Variants in KANK1 observed in about 807,000 individuals in gnomAD.
KANK1 encodes KN motif and ankyrin repeat domains 1, also known as KN motif and ankyrin repeat domain-containing protein 1.
In KANK1, 109 loss-of-function variants were observed where a neutral mutation model predicts 106.2. The ratio of observed to expected loss-of-function variants is 1.03; its 90% CI spans 0.88 to 1.20. The LOEUF (loss-of-function observed/expected upper bound fraction) is 1.20, where lower values mean the gene tolerates loss of function less well. KANK1 is among the 50% of genes most tolerant of loss of function. KANK1 has a pLI of 0.00. For synonymous variants in KANK1, 873 were observed against 652.2 expected, an observed-to-expected ratio of 1.34 and a Z score of -5.16; for missense variants, 2,399 against 1,710.7, an observed-to-expected ratio of 1.40 and a Z score of -7.10.
Position 734,817 on chromosome 9 carries a change from T to C in KANK1, c.3315T>C (p.Ala1105=). 1 of 1,613,234 alleles carries C rather than the reference T, an allele frequency of 6.2e-7. No homozygotes were observed. The highest frequency in any genetic ancestry group is 8.5e-7 in the Non-Finnish European group (1 of 1,179,144). Residue 1105 remains alanine, a synonymous_variant, in exon 7 of 12, where the codon GCT becomes GCC. Transcript: ENST00000382297. Reference sequence around the variant, plus strand: ...AAAATACTATAAATGACCCCAAAGCTTTGACCAGCAAAGATATGGTGAGTC... The same window carrying C: ...AAAATACTATAAATGACCCCAAAGCCTTGACCAGCAAAGATATGGTGAGTC... ...LLKNTINDPK[A]LTSKDMRFCL... is the part of the protein sequence containing the mutation.
intron 1 of KANK1, among the ~76,000 whole-genome samples, chr9:522,938 C>G (rs2059615777): frequency 6.6e-6 from 1 of 151,694 alleles, no homozygotes; most frequent in South Asian, 2.1e-4. Flanking sequence ...AATGCCTTCC[C>G]TGAGTTAATG....
At chr9:672,821 A>G (rs1815498920) in intron 1 of KANK1, among the ~76,000 whole-genome samples, 1 of 152,202 alleles carries the variant, frequency 6.6e-6, no homozygotes, top group African/African-American at 2.4e-5. Flanking sequence ...CAGTCTCCCG[A>G]AATAAATAGA....
At position 504,702 on chromosome 9, in the gene KANK1, G is replaced by C. The variant is rs531326520; in HGVS notation, c.-136G>C. The C allele has an allele frequency of 1.2e-4, 18 of 149,240 alleles. No homozygotes were observed. Among genetic ancestry groups the C allele is most frequent in the African/African-American group, 4.4e-4 (18 of 41,188 alleles). 9.2% of individuals were successfully genotyped at this position (149,240 alleles called of 1,614,324 possible). ...TGCGCCCCGCCCTTCCCCGAGCTCC[G>C]GGTCCGCGGCGGAGCGAGCGAGCGG... is the stretch of plus-strand genomic sequence containing the variant. On this transcript the variant is annotated 5_prime_UTR_variant, in exon 1 of 12. Coordinates refer to ENST00000382297, the MANE Select transcript of KANK1 (RefSeq NM_015158.5).
intron 1 of KANK1, among the ~76,000 whole-genome samples, chr9:506,527 GGTGTGTGTGTGT>G (rs36217612): frequency 4.0e-5 from 6 of 149,548 alleles, no homozygotes; most frequent in African/African-American, 7.3e-5. Flanking sequence ...GTGAGTTCTG[GGTGTGTGTGTGT>G]GTGTGTGTGC....
At chr9:577,426 G>A (rs1820873677) in intron 1 of KANK1, among the ~76,000 whole-genome samples, 1 of 152,112 alleles carries the variant, frequency 6.6e-6, no homozygotes, top group African/African-American at 2.4e-5. Flanking sequence ...GCTGATTGGT[G>A]CGTTTTTACA....
chr9:519,037 T>G (rs573344269), intron 1 of KANK1, among the ~76,000 whole-genome samples: 2 of 151,668 alleles, frequency 1.3e-5, no homozygotes, highest in East Asian at 1.9e-4. Context: ...ATTACAGGCA[T>G]GCACCACCAG....
At chr9:575,195 C>A (rs938168352) in intron 1 of KANK1, among the ~76,000 whole-genome samples, 8 of 152,182 alleles carry the variant, frequency 5.3e-5, no homozygotes, top group African/African-American at 1.9e-4. Flanking sequence ...TTGGTAATGT[C>A]CTTAAAACTG....
At position 744,524 on chromosome 9, in the gene KANK1, G is replaced by C. The variant is rs138870324; in HGVS notation, c.3931G>C (p.Ala1311Pro). ...GSTALSIALEAGHKDIAVLLY... is the reference protein window; with the variant it reads ...GSTALSIALEPGHKDIAVLLY... ...CACTGCGCTCTCAATCGCCCTGGAA[G>C]CAGGACACAAGGACATCGCTGTTCT... The change falls in exon 11 of 12, where the codon GCA becomes CCA. Residue 1311 changes from alanine (A) to proline (P), a missense_variant. Transcript: ENST00000382297. 1 of 1,614,156 alleles carries C rather than the reference G, an allele frequency of 6.2e-7. No homozygotes were observed. The highest frequency in any genetic ancestry group is 2.2e-5 in the East Asian group (1 of 44,884).
At chr9:598,406 G>A (rs1826764755) in intron 1 of KANK1, among the ~76,000 whole-genome samples, 1 of 151,192 alleles carries the variant, frequency 6.6e-6, no homozygotes, top group African/African-American at 2.5e-5. Flanking sequence ...AAGGGCTGTT[G>A]GAGTTTTGAT....
At chr9:568,791 T>A (rs994625671) in intron 1 of KANK1, among the ~76,000 whole-genome samples, 1 of 152,208 alleles carries the variant, frequency 6.6e-6, no homozygotes, top group African/African-American at 2.4e-5. Context: ...CAAGGTTGAT[T>A]TTTTAAAAAC....
At chr9:525,814 C>T (rs7856134) in intron 1 of KANK1, among the ~76,000 whole-genome samples, 64,784 of 151,094 alleles carry the variant, frequency 0.43, 16,700 homozygotes, top group African/African-American at 0.71. Context: ...CCCTGGCTGC[C>T]GTTTCTCCAT....
intron 6 of KANK1, chr9:734,125 A>AAAAAAAAAC (rs1833071408): frequency 6.6e-6 from 1 of 151,146 alleles, no homozygotes; most frequent in African/African-American, 2.4e-5. Flanking sequence ...AAAAAAAAAA[A>AAAAAAAAAC]AAAAAAAACT....
At chr9:625,550 T>C (rs1479725012) in intron 1 of KANK1, among the ~76,000 whole-genome samples, 1 of 151,652 alleles carries the variant, frequency 6.6e-6, no homozygotes, top group Non-Finnish European at 1.5e-5. Context: ...AAAAGTTCTA[T>C]ATTTCTACAA....
At chr9:582,281 G>C (rs1196946891) in intron 1 of KANK1, among the ~76,000 whole-genome samples, 1 of 152,130 alleles carries the variant, frequency 6.6e-6, no homozygotes, top group Non-Finnish European at 1.5e-5. Flanking sequence ...AGGAGGATTT[G>C]AGGCATTTCT....
At position 658,804 on chromosome 9, in the gene KANK1, TG is replaced by T. The variant is rs201054516; in HGVS notation, c.-83-18083del. Among the ~76,000 whole-genome samples, 843 of 152,320 alleles carry T rather than the reference TG, an allele frequency of 5.5e-3. 7 individuals are homozygous for T. Among genetic ancestry groups the T allele is most frequent in the African/African-American group, 0.019 (796 of 41,554 alleles). The stretch of plus-strand genomic sequence containing the variant: ...CAAAAATCGCATAGGCACATCTGTG[TG>T]GGTCTATTTCTGGGCTGTATGCTGT... On this transcript the variant is annotated intron_variant, in intron 1 of 11. Coordinates refer to ENST00000382297, the MANE Select transcript of KANK1 (RefSeq NM_015158.5).
At chr9:721,813 T>A (rs957724743) in intron 3 of KANK1, among the ~76,000 whole-genome samples, 1 of 152,236 alleles carries the variant, frequency 6.6e-6, no homozygotes, top group African/African-American at 2.4e-5. Flanking sequence ...AAACTGTGGA[T>A]AAGAATGACC....
intron 3 of KANK1, among the ~76,000 whole-genome samples, chr9:481,844 T>TAA (rs111626768): frequency 8.2e-4 from 115 of 140,846 alleles, no homozygotes; most frequent in African/African-American, 2.8e-3. Context: ...ACCCTGTCTC[T>TAA]AAAAAAAAAA....
rs1457308231 is a variant in KANK1 at position 745,296 on chromosome 9, G to A, written c.*61G>A. On this transcript the variant is annotated 3_prime_UTR_variant, in exon 12 of 12. Coordinates refer to ENST00000382297, the MANE Select transcript of KANK1 (RefSeq NM_015158.5). ...TTAAGCTGCTAATTGTTCCTGTTGG[G>A]GTGACAGATACTGAATGTATACGTA... The A allele has an allele frequency of 1.3e-6, 2 of 1,596,872 alleles. No homozygotes were observed. Among genetic ancestry groups the A allele is most frequent in the African/African-American group, 1.3e-5 (1 of 74,640 alleles).
intron 3 of KANK1, among the ~76,000 whole-genome samples, chr9:490,763 T>G (rs1456573066): frequency 6.6e-6 from 1 of 152,182 alleles, no homozygotes. Flanking sequence ...GCACATATTA[T>G]ATACCAGACA....
Sources: gnomAD v4.1 joint callset for allele counts (sites outside exome capture counted in the v4.1 genomes callset) on GRCh38, gnomAD v4.1.1 for gene constraint, MANE v1.5 for transcripts, NCBI Gene and HGNC (gene_info 2026-07-23, HGNC 2026-07-21) for gene names.